Variants in SMCO2 observed in about 807,000 individuals in gnomAD.
SMCO2 encodes single-pass membrane protein with coiled-coil domains 2, also known as single-pass membrane and coiled-coil domain-containing protein 2.
Under a neutral mutation model 29.5 loss-of-function variants are expected in SMCO2, and 25 were observed. The ratio of observed to expected loss-of-function variants is 0.85; its 90% CI spans 0.62 to 1.18. SMCO2 has a LOEUF of 1.18. Among genes scored for constraint, SMCO2 ranks in the 50% most tolerant of loss-of-function variants. The pLI is 0.00. For missense variants in SMCO2, 348 were observed against 344.5 expected (o/e 1.01, Z -0.08); for synonymous variants, 117 against 123.3 (o/e 0.95, Z 0.34).
chr12:27,448,223 A>C, the SMCO2 span, among the ~76,000 whole-genome samples: 1 of 152,182 alleles, frequency 6.6e-6, no homozygotes, highest in Non-Finnish European at 1.5e-5. Context: ...GTTGTTACTC[A>C]TTGTTAAATT....
At chr12:27,469,591 A>G (rs1008770324) in intron 1 of SMCO2, among the ~76,000 whole-genome samples, 9 of 152,056 alleles carry the variant, frequency 5.9e-5, no homozygotes, top group Non-Finnish European at 1.0e-4. Context: ...GGGTGCTGGG[A>G]GCCAGGCTAC....
intron 3 of SMCO2, chr12:27,473,109 GA>G: frequency 2.4e-6 from 1 of 417,630 alleles, no homozygotes; most frequent in Admixed American, 4.0e-5. Context: ...GAACAAAAAA[GA>G]AAAAAAAGTG....
At chr12:27,440,569 A>G in the SMCO2 span, among the ~76,000 whole-genome samples, 1 of 152,042 alleles carries the variant, frequency 6.6e-6, no homozygotes. Flanking sequence ...GAGACAGGCA[A>G]TATTAAAATA....
At chr12:27,485,694 A>T (rs979475442) in intron 4 of SMCO2, among the ~76,000 whole-genome samples, 2 of 151,978 alleles carry the variant, frequency 1.3e-5, no homozygotes, top group Non-Finnish European at 2.9e-5. Context: ...CAATCGGCCC[A>T]CCTCAGCCTC....
chr12:27,500,642 A>T (rs1257990321), intron 7 of SMCO2, among the ~76,000 whole-genome samples: 1 of 150,776 alleles, frequency 6.6e-6, no homozygotes, highest in Non-Finnish European at 1.5e-5. Context: ...TTTCGTAGTG[A>T]GTTGTTTTTC....
In SMCO2 at chr12:27,501,365, G is replaced by A. The variant is rs531948175; in HGVS notation, c.684-558G>A. ...CAAGAGGCAGAGCTTGCAGTGAGCC[G>A]GGATAGCGCCACTGCAGTCCAGCTT... On this transcript the variant is annotated intron_variant, in intron 7 of 7. Coordinates refer to ENST00000298876, the Ensembl canonical transcript of SMCO2. Among the ~76,000 whole-genome samples the A allele has an allele frequency of 4.5e-4, 65 of 142,982 alleles. 1 individual carries two copies. Among genetic ancestry groups the A allele is most frequent in the Admixed American group, 1.8e-3 (26 of 14,262 alleles). The allele number at this position is 142,982 out of a possible 152,430, so 93.8% of individuals were successfully genotyped here. A position where few individuals can be genotyped will look rare whatever the true frequency, so the allele number is the denominator to read the frequency against.
intron 2 of SMCO2, among the ~76,000 whole-genome samples, chr12:27,472,158 G>A (rs73088304): frequency 0.052 from 7,933 of 152,184 alleles, 274 homozygotes; most frequent in East Asian, 0.12. Flanking sequence ...CTCCAAAATA[G>A]GTTATTAAAT....
At chr12:27,478,572 C>T (rs760961184) in intron 4 of SMCO2, among the ~76,000 whole-genome samples, 1 of 152,186 alleles carries the variant, frequency 6.6e-6, no homozygotes, top group Non-Finnish European at 1.5e-5. Context: ...GGGGCCAGTC[C>T]TCAGGCCCCT....
chr12:27,483,524 C>G (rs1217948832), intron 4 of SMCO2, among the ~76,000 whole-genome samples: 1 of 151,800 alleles, frequency 6.6e-6, no homozygotes, highest in African/African-American at 2.4e-5. Context: ...CTCAAGCGGT[C>G]CTCCCACCTA....
At chr12:27,472,049 A>C (rs985582305) in intron 2 of SMCO2, among the ~76,000 whole-genome samples, 3 of 152,190 alleles carry the variant, frequency 2.0e-5, no homozygotes, top group African/African-American at 7.2e-5. Context: ...ATCTGTTAAT[A>C]AAAAAACTGA....
At chr12:27,444,525 A>C in the SMCO2 span, among the ~76,000 whole-genome samples, 1 of 152,226 alleles carries the variant, frequency 6.6e-6, no homozygotes, top group African/African-American at 2.4e-5. Context: ...GAGCTCCTGC[A>C]CAGCAAAGGA....
intron 1 of SMCO2, among the ~76,000 whole-genome samples, chr12:27,468,538 A>G (rs368660551): frequency 3.1e-4 from 47 of 152,370 alleles, no homozygotes; most frequent in African/African-American, 9.9e-4. Context: ...GTCGTTGGGC[A>G]TGTGTGGCTG....
the SMCO2 span, among the ~76,000 whole-genome samples, chr12:27,450,891 G>A: frequency 6.6e-6 from 1 of 152,186 alleles, no homozygotes; most frequent in Non-Finnish European, 1.5e-5. Context: ...CATGAACGAG[G>A]CTATCCTCAC....
chr12:27,456,840 C>T, the SMCO2 span, among the ~76,000 whole-genome samples: 12 of 152,170 alleles, frequency 7.9e-5, no homozygotes, highest in African/African-American at 1.2e-4. Context: ...GGACCTGGGC[C>T]GCACAGCAGG....
chr12:27,428,519 A>G, the SMCO2 span, among the ~76,000 whole-genome samples: 1 of 150,618 alleles, frequency 6.6e-6, no homozygotes, highest in African/African-American at 2.4e-5. Flanking sequence ...CAAGGCAGAG[A>G]AAGCTGTGTC....
chr12:27,434,154 G>A, the SMCO2 span, among the ~76,000 whole-genome samples: 1 of 152,146 alleles, frequency 6.6e-6, no homozygotes, highest in South Asian at 2.1e-4. Flanking sequence ...AAAAATAAAT[G>A]TTGGAATCTA....
At chr12:27,448,691 T>C in the SMCO2 span, among the ~76,000 whole-genome samples, 1 of 152,198 alleles carries the variant, frequency 6.6e-6, no homozygotes, top group African/African-American at 2.4e-5. Context: ...GGTGAGGCAG[T>C]AAACAAATGA....
intron 7 of SMCO2, among the ~76,000 whole-genome samples, chr12:27,499,540 C>A (rs1361961916): frequency 6.6e-6 from 1 of 150,458 alleles, no homozygotes; most frequent in African/African-American, 2.5e-5. Context: ...GTGACTAAAC[C>A]AAAAGCCTCT....
chr12:27,463,389 A>G (rs1393332861), upstream of SMCO2, among the ~76,000 whole-genome samples: 3 of 152,048 alleles, frequency 2.0e-5, no homozygotes, highest in East Asian at 5.8e-4. Context: ...CTCAGCTTCC[A>G]GAGTAGCTGG....
Sources: gnomAD v4.1 joint callset for allele counts (sites outside exome capture counted in the v4.1 genomes callset) on GRCh38, gnomAD v4.1.1 for gene constraint, MANE v1.5 for transcripts, NCBI Gene and HGNC (gene_info 2026-07-23, HGNC 2026-07-21) for gene names.